TLL2: variants seen among roughly 807,000 people sequenced by gnomAD.
The protein encoded by TLL2 is tolloid-like protein 2.
TLL2 carries 106 observed loss-of-function variants against 123.0 expected under a neutral mutation model. That is an observed-to-expected ratio of 0.86 (90% CI 0.74 to 1.01). TLL2 has a LOEUF of 1.01. TLL2 is among the 50% of genes least tolerant of loss of function. The pLI, the probability that TLL2 is intolerant of heterozygous loss-of-function variation, is 0.00. For missense variants in TLL2, 1,332 were observed against 1,336.7 expected, an observed-to-expected ratio of 1.00 and a Z score of 0.06; for synonymous variants, 494 against 516.8, an observed-to-expected ratio of 0.96 and a Z score of 0.60.
At chr10:96,501,226 C>G (rs117306498) in intron 1 of TLL2, among the ~76,000 whole-genome samples, 517 of 152,312 alleles carry the variant, frequency 3.4e-3, no homozygotes, top group Middle Eastern at 0.014. Context: ...CATGTTAAAC[C>G]ATTATCTCCC....
intron 18 of TLL2, among the ~76,000 whole-genome samples, chr10:96,376,468 G>C (rs542180078): frequency 6.6e-6 from 1 of 152,368 alleles, no homozygotes; most frequent in African/African-American, 2.4e-5. Context: ...ACTGTGCCCA[G>C]GTGTGACCTA....
chr10:96,483,599 T>A (rs1340872937), intron 1 of TLL2, among the ~76,000 whole-genome samples: 1 of 152,176 alleles, frequency 6.6e-6, no homozygotes, highest in African/African-American at 2.4e-5. Flanking sequence ...AGGAGTCACA[T>A]CCTGACTTAG....
intron 9 of TLL2, 139 bp from the exon 10 acceptor site, chr10:96,405,473 G>T: frequency 1.4e-6 from 1 of 733,142 alleles, no homozygotes; most frequent in Non-Finnish European, 2.3e-6. Context: ...TGTCTCAAAA[G>T]CATGCTCACA....
intron 10 of TLL2, among the ~76,000 whole-genome samples, chr10:96,403,649 G>C (rs933718062): frequency 2.0e-5 from 3 of 152,138 alleles, no homozygotes; most frequent in Non-Finnish European, 4.4e-5. Flanking sequence ...TGGCCTCGTG[G>C]GATGAGAAAG....
At chr10:96,506,593 C>T (rs975015451) in intron 1 of TLL2, among the ~76,000 whole-genome samples, 1 of 151,630 alleles carries the variant, frequency 6.6e-6, no homozygotes, top group Non-Finnish European at 1.5e-5. Context: ...TCCCCAAGGG[C>T]AGGGTTGAGT....
intron 15 of TLL2, among the ~76,000 whole-genome samples, chr10:96,385,101 AAGG>A (rs1399955149): frequency 6.6e-6 from 1 of 152,150 alleles, no homozygotes; most frequent in Non-Finnish European, 1.5e-5. Flanking sequence ...CCACTGCTAG[AAGG>A]AGAAGAAAAA....
At chr10:96,402,513 A>C (rs1324614664) in intron 10 of TLL2, among the ~76,000 whole-genome samples, 1 of 152,214 alleles carries the variant, frequency 6.6e-6, no homozygotes, top group Non-Finnish European at 1.5e-5. Context: ...ACAAGCAAAC[A>C]GTGCTACCTG....
rs1437595399 is a variant in TLL2 at position 96,379,049 on chromosome 10, C to A, written c.2238G>T (p.Glu746Asp). The stretch of plus-strand genomic sequence containing the variant: ...GGTAGCTCCCGAAGGTGTTGACGCA[C>A]TCATGCTGACACCCGCCGTTGTCCT... Reference protein sequence around the residue: ...CAKDNGGCQHECVNTFGSYLC... With the variant: ...CAKDNGGCQHDCVNTFGSYLC... Residue 746 changes from glutamate (E) to aspartate (D), a missense_variant, in exon 17 of 21, where the codon GAG (glutamate) becomes GAT (aspartate). Transcript: ENST00000357947. The A allele has an allele frequency of 1.2e-6, 2 of 1,614,092 alleles. No individual in the cohort carries two copies. The highest frequency in any genetic ancestry group is 3.3e-5 in the Admixed American group (2 of 60,008).
chr10:96,397,347 A>T (rs1262557556), intron 10 of TLL2, 45 bp from the exon 11 acceptor site: 13 of 1,504,132 alleles, frequency 8.6e-6, no homozygotes, highest in Non-Finnish European at 1.2e-5. Context: ...GGGGACAGCA[A>T]GAAGGCACTG....
rs760982006 is a variant in TLL2, at chr10:96,395,414, C to A, written c.1531-32G>T. On this transcript the variant is annotated intron_variant, in intron 12 of 20. Transcript: ENST00000357947. ...GAAGAAACAGAGGCAAGGTGGATGGCAGATGGTTCTGCTTTAAGGTTTTTG... is the reference window on the plus strand; with the variant it reads ...GAAGAAACAGAGGCAAGGTGGATGGAAGATGGTTCTGCTTTAAGGTTTTTG... 39 of 1,537,348 alleles carry A rather than the reference C, an allele frequency of 2.5e-5. No homozygotes were observed. In the Middle Eastern group the frequency reaches 2.2e-3, roughly 86 times the overall value.
intron 1 of TLL2, among the ~76,000 whole-genome samples, chr10:96,481,669 C>T (rs538994987): frequency 2.6e-5 from 4 of 152,082 alleles, no homozygotes; most frequent in Non-Finnish European, 4.4e-5. Context: ...GAACTGAATG[C>T]GCTATGGTTT....
At chr10:96,491,391 AAAAAAAAGAAAAG>A (rs986586823) in intron 1 of TLL2, among the ~76,000 whole-genome samples, 12 of 151,640 alleles carry the variant, frequency 7.9e-5, no homozygotes, top group African/African-American at 2.4e-4. Flanking sequence ...TCAAAAAAAA[AAAAAAAAGAAAAG>A]AAAAGAAAAG....
At position 96,370,045 on chromosome 10, in the gene TLL2, C is replaced by T. The variant is rs761928362; in HGVS notation, c.2913+20G>A. On this transcript the variant is annotated intron_variant, in intron 20 of 20. Transcript: ENST00000357947. ...TGAATCATCACACTCTGCCCCGGCC[C>T]CAGCGTCTCCGGGACTTACCCCAGA... The T allele has an allele frequency of 3.3e-5, 51 of 1,551,974 alleles. No individual in the cohort carries two copies. Among genetic ancestry groups the T allele is most frequent in the Non-Finnish European group, 4.1e-5 (47 of 1,151,224 alleles).
chr10:96,412,590 G>C (rs963454166), intron 8 of TLL2, among the ~76,000 whole-genome samples: 2 of 152,178 alleles, frequency 1.3e-5, no homozygotes, highest in Admixed American at 6.5e-5. Context: ...CCAGGGAACA[G>C]GCATTTGCTC....
chr10:96,497,994 C>T (rs1382454463), intron 1 of TLL2, among the ~76,000 whole-genome samples: 1 of 152,222 alleles, frequency 6.6e-6, no homozygotes, highest in Non-Finnish European at 1.5e-5. Context: ...CACACGGGCT[C>T]CATTAGGTAA....
At chr10:96,486,902 G>A (rs1226215031) in intron 1 of TLL2, among the ~76,000 whole-genome samples, 1 of 152,220 alleles carries the variant, frequency 6.6e-6, no homozygotes, top group Non-Finnish European at 1.5e-5. Context: ...AGCTGGCTTC[G>A]TCTCCATCTC....
intron 2 of TLL2, among the ~76,000 whole-genome samples, chr10:96,458,479 C>T (rs1025502362): frequency 7.9e-5 from 12 of 151,176 alleles, no homozygotes; most frequent in Admixed American, 2.6e-4. Context: ...CCCAGCTACT[C>T]GGGAGGCTGA....
intron 2 of TLL2, among the ~76,000 whole-genome samples, chr10:96,451,011 G>T (rs966462252): frequency 3.3e-5 from 5 of 152,164 alleles, no homozygotes; most frequent in African/African-American, 1.2e-4. Flanking sequence ...TGGTCTCTGG[G>T]AAAGAATGCC....
intron 1 of TLL2, among the ~76,000 whole-genome samples, chr10:96,511,976 TC>T (rs1287510828): frequency 6.6e-6 from 1 of 152,160 alleles, no homozygotes; most frequent in Non-Finnish European, 1.5e-5. Flanking sequence ...TTGAATTAGG[TC>T]CCATAAGGAA....
Sources: allele counts gnomAD v4.1 joint callset (sites outside exome capture counted in the v4.1 genomes callset), GRCh38; gene constraint gnomAD v4.1.1; transcripts MANE v1.5; gene names NCBI Gene and HGNC (gene_info 2026-07-23, HGNC 2026-07-21).